Variants in TGFA observed in about 807,000 individuals in gnomAD.
TGFA encodes protransforming growth factor alpha.
A neutral mutation model predicts 21.7 loss-of-function variants in TGFA; 12 were observed. That is an observed-to-expected ratio of 0.55 (90% CI 0.35 to 0.90). The LOEUF is 0.90. Ranked by LOEUF, TGFA falls within the 40% of genes least tolerant of loss-of-function variation. TGFA has a pLI of 0.01. For synonymous variants in TGFA, 79 were observed against 88.1 expected (o/e 0.90, Z 0.58); for missense variants, 178 against 210.8 (o/e 0.84, Z 0.96).
intron 3 of TGFA, among the ~76,000 whole-genome samples, chr2:70,461,230 A>G (rs1375374): frequency 0.042 from 6,357 of 151,984 alleles, 208 homozygotes; most frequent in Non-Finnish European, 0.062. Flanking sequence ...CTGGTGTGTG[A>G]CCCCCACTCT....
At chr2:70,481,632 G>A (rs1435821711) in intron 2 of TGFA, among the ~76,000 whole-genome samples, 1 of 152,132 alleles carries the variant, frequency 6.6e-6, no homozygotes, top group Non-Finnish European at 1.5e-5. Context: ...ACTGTCTCAG[G>A]GCTGGTCTGT....
intron 2 of TGFA, among the ~76,000 whole-genome samples, chr2:70,510,034 C>T (rs1370058868): frequency 3.9e-5 from 6 of 152,206 alleles, no homozygotes; most frequent in Non-Finnish European, 5.9e-5. Context: ...TGACAACCAA[C>T]CTGATAAAAA....
At chr2:70,504,481 C>CAT (rs1165031730) in intron 2 of TGFA, among the ~76,000 whole-genome samples, 3 of 72,980 alleles carry the variant, frequency 4.1e-5, no homozygotes, top group Non-Finnish European at 6.5e-5. Context: ...TACATACATA[C>CAT]ATACACACAC....
chr2:70,483,617 C>G (rs1671191952), intron 2 of TGFA, among the ~76,000 whole-genome samples: 1 of 152,120 alleles, frequency 6.6e-6, no homozygotes, highest in Non-Finnish European at 1.5e-5. Context: ...CCTGGTTTTG[C>G]ACTAACCTTT....
chr2:70,544,653 T>C (rs1033777694), intron 1 of TGFA, among the ~76,000 whole-genome samples: 3 of 152,172 alleles, frequency 2.0e-5, no homozygotes, highest in African/African-American at 7.2e-5. Context: ...ATTTGCAGAA[T>C]AAATGAGTGA....
intron 1 of TGFA, among the ~76,000 whole-genome samples, chr2:70,520,990 T>G (rs1163775982): frequency 6.6e-6 from 1 of 151,936 alleles, no homozygotes; most frequent in East Asian, 1.9e-4. Context: ...ACACCGTCCA[T>G]CCTATCCATC....
intron 1 of TGFA, 27 bp downstream of exon 1, chr2:70,553,701 A>G (rs782077575): frequency 2.3e-6 from 3 of 1,328,596 alleles, no homozygotes; most frequent in Admixed American, 3.7e-5. Context: ...CGCGCGGCGC[A>G]GGGGGCGCCG....
intron 1 of TGFA, among the ~76,000 whole-genome samples, chr2:70,520,581 G>A (rs1574127771): frequency 1.3e-5 from 2 of 152,180 alleles, no homozygotes; most frequent in East Asian, 1.9e-4. Context: ...TACATACTGT[G>A]AGCAAATTAA....
chr2:70,524,872 G>C (rs1410912842), intron 1 of TGFA, among the ~76,000 whole-genome samples: 1 of 152,158 alleles, frequency 6.6e-6, no homozygotes. Flanking sequence ...AGGATCCATG[G>C]GGAGGTTATA....
chr2:70,453,182 C>T (rs782558378), intron 5 of TGFA, 36 bp downstream of exon 5: 1 of 1,585,348 alleles, frequency 6.3e-7, no homozygotes. Context: ...TTTTCTCCAC[C>T]CAATAGTGTC....
chr2:70,453,479 T>A, intron 4 of TGFA, 152 bp from the exon 5 acceptor site: 1 of 608,496 alleles, frequency 1.6e-6, no homozygotes, highest in Non-Finnish European at 2.8e-6. Context: ...ACAGGCACCA[T>A]AGGGGGCTGA....
Position 70,530,584 on chromosome 2 carries a change from G to A in TGFA, c.41-15672C>T, listed in dbSNP as rs543413302. 2.3e-4 allele frequency among the ~76,000 whole-genome samples: 32 copies of A among 142,132 alleles called. No homozygotes were observed. The East Asian group carries it at 4.4e-3, about 20-fold the overall frequency. 93.2% of individuals were successfully genotyped at this position (142,132 alleles called of 152,430 possible). Reference sequence around the variant, plus strand: ...TTCAAAGCCCTCCTGGGCCACAGGCGGCCCATGGGCCACAGGTTGGACAAC... The same window carrying A: ...TTCAAAGCCCTCCTGGGCCACAGGCAGCCCATGGGCCACAGGTTGGACAAC... On this transcript the variant is annotated intron_variant, in intron 1 of 5. Transcript: ENST00000295400.
At chr2:70,541,047 C>T (rs1268667096) in intron 1 of TGFA, among the ~76,000 whole-genome samples, 2 of 152,160 alleles carry the variant, frequency 1.3e-5, no homozygotes, top group African/African-American at 4.8e-5. Context: ...TTTCTGTTGT[C>T]AAAATATATT....
At chr2:70,500,390 C>G (rs1361128613) in intron 2 of TGFA, among the ~76,000 whole-genome samples, 1 of 152,106 alleles carries the variant, frequency 6.6e-6, no homozygotes, top group African/African-American at 2.4e-5. Flanking sequence ...CATCAAAGCT[C>G]TCTCCCCAAA....
At chr2:70,452,421 T>C (rs1670085665) in intron 5 of TGFA, among the ~76,000 whole-genome samples, 1 of 152,078 alleles carries the variant, frequency 6.6e-6, no homozygotes, top group Non-Finnish European at 1.5e-5. Context: ...GGCGAAAATA[T>C]CCAGGAAACA....
intron 2 of TGFA, among the ~76,000 whole-genome samples, chr2:70,482,685 T>C (rs1553495887): frequency 6.6e-6 from 1 of 152,190 alleles, no homozygotes; most frequent in East Asian, 1.9e-4. Flanking sequence ...ACTTGGTTGG[T>C]TGGCTGTGAT....
intron 2 of TGFA, among the ~76,000 whole-genome samples, chr2:70,495,350 G>A (rs1303543948): frequency 2.6e-5 from 4 of 152,108 alleles, no homozygotes; most frequent in Non-Finnish European, 5.9e-5. Context: ...ATATTTGGAG[G>A]TACAAATCCC....
chr2:70,532,598 A>C (rs1672844561), intron 1 of TGFA, among the ~76,000 whole-genome samples: 1 of 152,208 alleles, frequency 6.6e-6, no homozygotes, highest in South Asian at 2.1e-4. Flanking sequence ...GATGCATATC[A>C]TATCTTATTT....
intron 2 of TGFA, among the ~76,000 whole-genome samples, chr2:70,504,449 T>TATATATACATAC (rs1553499736): frequency 1.4e-5 from 1 of 69,082 alleles, no homozygotes; most frequent in Non-Finnish European, 2.9e-5. Flanking sequence ...TATATATATA[T>TATATATACATAC]ATATATATAT....
Sources: allele counts gnomAD v4.1 joint callset (sites outside exome capture counted in the v4.1 genomes callset), GRCh38; gene constraint gnomAD v4.1.1; transcripts MANE v1.5; gene names NCBI Gene and HGNC (gene_info 2026-07-23, HGNC 2026-07-21).